TNPO1: variants seen among roughly 807,000 people sequenced by gnomAD.
TNPO1 encodes transportin 1.
Under a neutral mutation model 119.5 loss-of-function variants are expected in TNPO1, and 8 were observed. The ratio of observed to expected loss-of-function variants is 0.07; its 90% confidence interval spans 0.04 to 0.12. The LOEUF is 0.12. Among genes scored for constraint, TNPO1 ranks in the 10% least tolerant of loss-of-function variants. The pLI is 1.00. For missense variants in TNPO1, 576 were observed against 1,089.8 expected (o/e 0.53, Z 6.64); for synonymous variants, 362 against 363.0 (o/e 1.00, Z 0.03).
chr5:72,864,152 TAAC>T (rs1214866903), intron 5 of TNPO1, among the ~76,000 whole-genome samples: 1 of 152,180 alleles, frequency 6.6e-6, no homozygotes, highest in Admixed American at 6.5e-5. Flanking sequence ...AAAAAAACCT[TAAC>T]AATTGAATAT....
In TNPO1 at chr5:72,883,214, A is replaced by G. The variant is rs755662525; in HGVS notation, c.1132A>G (p.Ile378Val). 4.0e-6 allele frequency: 6 copies of G among 1,517,824 alleles called. No individual in the cohort carries two copies. The highest frequency in any genetic ancestry group is 2.2e-5 in the East Asian group (1 of 44,454). 94.0% of individuals were successfully genotyped at this position (1,517,824 alleles called of 1,614,324 possible). The change falls in exon 11 of 25, where the codon ATT (isoleucine) becomes GTT (valine). Residue 378 changes from isoleucine (I) to valine (V), a missense_variant. Coordinates refer to ENST00000337273, the MANE Select transcript of TNPO1 (RefSeq NM_002270.4). ...DDDEIDDDDT[I>V]SDWNLRKCSA... ...TGATGAAATTGATGATGATGATACAATTTCTGACTGGAATCTAAGTAAGTC... is the reference window on the plus strand; with the variant it reads ...TGATGAAATTGATGATGATGATACAGTTTCTGACTGGAATCTAAGTAAGTC...
At chr5:72,868,507 A>G (rs1747126340) in intron 6 of TNPO1, among the ~76,000 whole-genome samples, 2 of 151,222 alleles carry the variant, frequency 1.3e-5, no homozygotes, top group South Asian at 4.2e-4. Flanking sequence ...GGGGTAGATA[A>G]ACATTCTGTC....
chr5:72,878,424 T>C (rs1025659134), intron 9 of TNPO1, among the ~76,000 whole-genome samples: 1 of 151,952 alleles, frequency 6.6e-6, no homozygotes, highest in Non-Finnish European at 1.5e-5. Flanking sequence ...TGAATTTTAA[T>C]TTCTCAAATC....
Position 72,865,071 on chromosome 5 carries a change from T to A in TNPO1, c.463-525T>A, listed in dbSNP as rs540037799. Among the ~76,000 whole-genome samples, 10 of 152,352 alleles carry A rather than the reference T, an allele frequency of 6.6e-5. No homozygotes were observed. In the South Asian group the frequency reaches 2.1e-3, roughly 32 times the overall value. On this transcript the variant is annotated intron_variant, in intron 5 of 24. Transcript: ENST00000337273. ...AAATATCCTCCACTTCTAAGTCATT[T>A]AATGCTAAAACTAAAATATACCCTT... is the stretch of plus-strand genomic sequence containing the variant.
chr5:72,880,515 A>G (rs538432708), intron 9 of TNPO1, among the ~76,000 whole-genome samples: 36 of 152,132 alleles, frequency 2.4e-4, no homozygotes, highest in Admixed American at 3.9e-4. Context: ...GTGATGTTGC[A>G]TTAAAAAACT....
chr5:72,892,027 C>A lies in TNPO1; in HGVS notation c.1788+131C>A, dbSNP rs975559770. 4.6e-6 allele frequency: 3 copies of A among 646,120 alleles called. No individual in the cohort carries two copies. The African/African-American group carries it at 5.5e-5, about 12-fold the overall frequency. The allele number at this position is 646,120 out of a possible 1,614,324, so 40.0% of individuals were successfully genotyped here. On this transcript the variant is annotated intron_variant, in intron 15 of 24. Coordinates refer to ENST00000337273, the MANE Select transcript of TNPO1 (RefSeq NM_002270.4). ...GACGGAGGAAATTATATGATACATACTGTTCTCTAACCTGCTTTACTTAAT... is the reference window on the plus strand; with the variant it reads ...GACGGAGGAAATTATATGATACATAATGTTCTCTAACCTGCTTTACTTAAT...
intron 1 of TNPO1, among the ~76,000 whole-genome samples, chr5:72,825,035 C>T (rs1278568027): frequency 6.6e-6 from 1 of 152,158 alleles, no homozygotes; most frequent in Non-Finnish European, 1.5e-5. Context: ...CTCTTCAGAT[C>T]TGTTCTTTCA....
chr5:72,840,952 G>A (rs1744884187), intron 1 of TNPO1, among the ~76,000 whole-genome samples: 2 of 152,112 alleles, frequency 1.3e-5, no homozygotes, highest in Non-Finnish European at 2.9e-5. Context: ...AGTCTCAATC[G>A]AGGATGATTT....
In TNPO1 at chr5:72,913,069, T is replaced by C. The variant is rs1750666308; in HGVS notation, c.*4396T>C. ...TTTAAGAAAACTGGTCTTCAGATAG[T>C]TAAGGGCTTGGGATAATTTAAGTGA... On this transcript the variant is annotated 3_prime_UTR_variant, in exon 25 of 25. Coordinates refer to ENST00000337273, the MANE Select transcript of TNPO1 (RefSeq NM_002270.4). 2 of 152,624 alleles carry C rather than the reference T, an allele frequency of 1.3e-5. No homozygotes were observed. Among genetic ancestry groups the C allele is most frequent in the South Asian group, 4.1e-4 (2 of 4,828 alleles). 9.5% of individuals were successfully genotyped at this position (152,624 alleles called of 1,614,324 possible).
At chr5:72,878,465 A>AT (rs1747984222) in intron 9 of TNPO1, 1 of 153,416 alleles carries the variant, frequency 6.5e-6, no homozygotes, top group Non-Finnish European at 1.5e-5. Context: ...AAAAAAAAAA[A>AT]GTTTTTAATA....
chr5:72,894,456 A>G (rs1277105416), intron 18 of TNPO1, among the ~76,000 whole-genome samples: 1 of 152,184 alleles, frequency 6.6e-6, no homozygotes, highest in Non-Finnish European at 1.5e-5. Context: ...CAGGTCACGA[A>G]GTCAGGAGAT....
intron 9 of TNPO1, chr5:72,878,881 G>T: frequency 2.1e-6 from 1 of 484,798 alleles, no homozygotes; most frequent in East Asian, 6.0e-5. Context: ...AATCCTTGAG[G>T]GGTACAGCAT....
chr5:72,849,599 C>A (rs1745398542), intron 2 of TNPO1, among the ~76,000 whole-genome samples: 1 of 152,188 alleles, frequency 6.6e-6, no homozygotes, highest in African/African-American at 2.4e-5. Flanking sequence ...TTAAAACCTT[C>A]AATAGATGAC....
At chr5:72,877,417 T>C (rs1747877384) in intron 9 of TNPO1, 71 bp downstream of exon 9, 2 of 773,418 alleles carry the variant, frequency 2.6e-6, no homozygotes, top group East Asian at 5.4e-5. Flanking sequence ...TTCATATTTT[T>C]ATAAAATTCA....
At chr5:72,856,053 T>C in intron 4 of TNPO1, 130 bp downstream of exon 4, 1 of 935,520 alleles carries the variant, frequency 1.1e-6, no homozygotes, top group Non-Finnish European at 1.6e-6. Context: ...TCATTGCCTT[T>C]AAATGCTTTT....
In TNPO1 at chr5:72,911,497, TTTAAG is replaced by T. The variant is rs1279065728; in HGVS notation, c.*2828_*2832del. 2 of 152,558 alleles carry T rather than the reference TTTAAG, an allele frequency of 1.3e-5. No individual in the cohort carries two copies. Among genetic ancestry groups the T allele is most frequent in the South Asian group, 2.1e-4 (1 of 4,824 alleles). 9.5% of individuals were successfully genotyped at this position (152,558 alleles called of 1,614,324 possible). A position where few individuals can be genotyped will look rare whatever the true frequency, so the allele number is the denominator to read the frequency against. On this transcript the variant is annotated 3_prime_UTR_variant, in exon 25 of 25. Transcript: ENST00000337273. ...GTAGAACAGGAATTTGCAGAAGCCA[TTTAAG>T]TTATCTTTTGAGGTAAGCTCTGATT...
At chr5:72,855,665 CA>C in intron 3 of TNPO1, 108 bp from the exon 4 acceptor site, 1 of 875,014 alleles carries the variant, frequency 1.1e-6, no homozygotes, top group South Asian at 1.8e-5. Context: ...CTGGTTATAG[CA>C]AGTTTGAATG....
chr5:72,858,565 C>T (rs560298328), intron 4 of TNPO1, among the ~76,000 whole-genome samples: 28 of 152,078 alleles, frequency 1.8e-4, no homozygotes, highest in Admixed American at 7.2e-4. Context: ...TGGCCAGGTG[C>T]GGTGGCTCAT....
At chr5:72,821,134 A>G (rs375433695) in intron 1 of TNPO1, among the ~76,000 whole-genome samples, 2 of 152,218 alleles carry the variant, frequency 1.3e-5, no homozygotes, top group African/African-American at 4.8e-5. Flanking sequence ...TGTGTTTCAC[A>G]TAAGGAGAAT....
Sources: gnomAD v4.1 joint callset for allele counts (sites outside exome capture counted in the v4.1 genomes callset) on GRCh38, gnomAD v4.1.1 for gene constraint, MANE v1.5 for transcripts, NCBI Gene and HGNC (gene_info 2026-07-23, HGNC 2026-07-21) for gene names.